TSPEAR: variants seen among roughly 807,000 people sequenced by gnomAD.
TSPEAR encodes the protein thrombospondin-type laminin G domain and EAR repeat-containing protein.
In TSPEAR, 69 loss-of-function variants were observed where a neutral mutation model predicts 71.6. That is an observed-to-expected ratio of 0.96 (90% CI 0.79 to 1.18). TSPEAR has a LOEUF of 1.18. TSPEAR is among the 50% of genes most tolerant of loss of function. The pLI, the probability that TSPEAR is intolerant of heterozygous loss-of-function variation, is 0.00. For synonymous variants in TSPEAR, 402 were observed against 387.2 expected, an observed-to-expected ratio of 1.04 and a Z score of -0.45; for missense variants, 971 against 894.9, an observed-to-expected ratio of 1.09 and a Z score of -1.09.
At chr21:44,669,552 T>A (rs1985956991) in intron 1 of TSPEAR, among the ~76,000 whole-genome samples, 1 of 152,144 alleles carries the variant, frequency 6.6e-6, no homozygotes. Flanking sequence ...TACTTTCAGT[T>A]AAAGAGAGGC....
chr21:44,639,066 G>T (rs782254351), intron 1 of TSPEAR, among the ~76,000 whole-genome samples: 6 of 152,136 alleles, frequency 3.9e-5, no homozygotes, highest in Non-Finnish European at 8.8e-5. Flanking sequence ...AGCACAGATG[G>T]GCAGGGACCA....
intron 1 of TSPEAR, among the ~76,000 whole-genome samples, chr21:44,694,698 A>G (rs1555950195): frequency 2.0e-5 from 3 of 152,256 alleles, no homozygotes. Context: ...TTTAGCACAC[A>G]TGTATTGATA....
intron 2 of TSPEAR, chr21:44,551,082 C>A: frequency 1.3e-6 from 2 of 1,573,672 alleles, no homozygotes; most frequent in Non-Finnish European, 1.7e-6. Context: ...AGCTGGCTGG[C>A]AGCTAGACTG....
Position 44,579,762 on chromosome 21 carries a change from C to T in TSPEAR, c.83-11757G>A, listed in dbSNP as rs186064557. On this transcript the variant is annotated intron_variant, in intron 1 of 11. Transcript: ENST00000323084. ...CTGGACTCCTGGCCTGAGCAGAGGC[C>T]TCAGCAGGCCAGGGGGGAGCACGCG... The T allele has an allele frequency of 1.3e-5, 21 of 1,609,956 alleles. No homozygotes were observed. The Admixed American group carries it at 1.3e-4, about 10-fold the overall frequency.
intron 4 of TSPEAR, 66 bp downstream of exon 4, chr21:44,530,977 A>G (rs986252124): frequency 3.1e-6 from 4 of 1,288,550 alleles, no homozygotes; most frequent in Non-Finnish European, 4.5e-6. Flanking sequence ...GAGCAGTAGG[A>G]CAACTGGCCT....
At chr21:44,567,693 G>T (rs1200814643) in intron 2 of TSPEAR, 92 bp downstream of exon 2, 12 of 1,104,482 alleles carry the variant, frequency 1.1e-5, no homozygotes, top group Non-Finnish European at 1.5e-5. Context: ...CTTGACAAAT[G>T]CCGCCCCTCA....
rs1555931302 is a variant in TSPEAR at position 44,612,401 on chromosome 21, C to T, written c.83-44396G>A. 6.2e-7 allele frequency: 1 copy of T among 1,613,960 alleles called. No individual in the cohort carries two copies. The highest frequency in any genetic ancestry group is 8.5e-7 in the Non-Finnish European group (1 of 1,180,040). On this transcript the variant is annotated intron_variant, in intron 1 of 11. Transcript: ENST00000323084. The surrounding 1 kb of genome is among the most constrained non-coding windows in gnomAD (Gnocchi z 4.1). ...CTCCTGCACACCTTCATGCTGCCAG[C>T]AGTCTAGCTGCCAGCCGGCTTGCTG...
At chr21:44,518,233 C>CT (rs2052646494) in intron 9 of TSPEAR, 3 of 439,286 alleles carry the variant, frequency 6.8e-6, no homozygotes, top group Non-Finnish European at 1.4e-5. Flanking sequence ...TTCTTTCAGC[C>CT]TTTTTCTTTA....
At chr21:44,553,915 CT>C (rs1383776918) in intron 2 of TSPEAR, among the ~76,000 whole-genome samples, 1 of 152,166 alleles carries the variant, frequency 6.6e-6, no homozygotes, top group Non-Finnish European at 1.5e-5. Context: ...TCTAATTTTC[CT>C]TTTTTCAAAT....
At chr21:44,535,819 G>A (rs2053080365) in intron 2 of TSPEAR, among the ~76,000 whole-genome samples, 1 of 150,806 alleles carries the variant, frequency 6.6e-6, no homozygotes, top group Admixed American at 6.6e-5. Flanking sequence ...GCCCGCTTCG[G>A]CCTCCCAAAG....
At chr21:44,651,320 G>A (rs1320480888) in intron 1 of TSPEAR, among the ~76,000 whole-genome samples, 1 of 152,188 alleles carries the variant, frequency 6.6e-6, no homozygotes, top group Non-Finnish European at 1.5e-5. Context: ...CACGCAGTGT[G>A]TAGAAACACC....
intron 2 of TSPEAR, chr21:44,550,928 C>T (rs200496560): frequency 4.0e-5 from 58 of 1,462,934 alleles, no homozygotes; most frequent in Admixed American, 2.1e-4. Flanking sequence ...ACTGCTGACA[C>T]GGGGAGGAGG....
At chr21:44,633,510 G>A (rs1983371921) in intron 1 of TSPEAR, among the ~76,000 whole-genome samples, 1 of 152,038 alleles carries the variant, frequency 6.6e-6, no homozygotes, top group Admixed American at 6.6e-5. Context: ...AGTATGTGTT[G>A]TTTAATTGCC....
Position 44,609,468 on chromosome 21 carries a change from T to C in TSPEAR, c.83-41463A>G, listed in dbSNP as rs587655870. 1.1e-4 allele frequency among the ~76,000 whole-genome samples: 16 copies of C among 152,194 alleles called. No homozygotes were observed. The South Asian group carries it at 2.9e-3, about 28-fold the overall frequency. ...GACAAGGCATCCAGGAAGTAATGGA[T>C]CCAACATCAGAGAGAGATGAATGAA... On this transcript the variant is annotated intron_variant, in intron 1 of 11. Coordinates refer to ENST00000323084, the MANE Select transcript of TSPEAR (RefSeq NM_144991.3).
chr21:44,567,731 C>A, intron 2 of TSPEAR, 54 bp downstream of exon 2: 1 of 1,475,642 alleles, frequency 6.8e-7, no homozygotes, highest in Admixed American at 2.1e-5. Flanking sequence ...TACTGGGAAC[C>A]TCACAAGGGA....
chr21:44,558,790 T>G (rs1601415811), intron 2 of TSPEAR: 2 of 1,527,348 alleles, frequency 1.3e-6, no homozygotes, highest in Non-Finnish European at 1.8e-6. Flanking sequence ...AGTGAGTGAG[T>G]GATCGTGCCA....
intron 9 of TSPEAR, among the ~76,000 whole-genome samples, chr21:44,514,021 C>T (rs924437030): frequency 6.6e-6 from 1 of 152,200 alleles, no homozygotes; most frequent in African/African-American, 2.4e-5. Flanking sequence ...CCTGCAGAAC[C>T]CGCAAGCCTG....
intron 1 of TSPEAR, among the ~76,000 whole-genome samples, chr21:44,665,319 A>T (rs1001975082): frequency 1.3e-5 from 2 of 152,234 alleles, no homozygotes; most frequent in African/African-American, 4.8e-5. Context: ...GTTCTGGGCT[A>T]TGCTATCTGG....
At chr21:44,661,102 G>A (rs1281209340) in intron 1 of TSPEAR, among the ~76,000 whole-genome samples, 7 of 151,900 alleles carry the variant, frequency 4.6e-5, no homozygotes, top group African/African-American at 1.7e-4. Flanking sequence ...GGTGAAACCC[G>A]TCTCTACTAA....
Sources: allele counts gnomAD v4.1 joint callset (sites outside exome capture counted in the v4.1 genomes callset), GRCh38; gene constraint gnomAD v4.1.1; non-coding constraint Gnocchi (gnomAD v3.1); transcripts MANE v1.5; gene names NCBI Gene and HGNC (gene_info 2026-07-23, HGNC 2026-07-21).